The following GLI3 variants were observed in gnomAD, a reference collection of about 807,000 sequenced individuals.
The protein encoded by GLI3 is transcription activator GLI3.
In GLI3, 20 loss-of-function variants were observed where a neutral mutation model predicts 100.8. That is an observed-to-expected ratio of 0.20 (90% CI 0.14 to 0.29). GLI3 has a LOEUF of 0.29. GLI3 is among the 10% of genes least tolerant of loss of function. The probability of loss-of-function intolerance (pLI) is 1.00; values close to 1 mark genes in which losing one functional copy is unlikely to be tolerated. For missense variants in GLI3, 2,040 were observed against 2,128.5 expected (o/e 0.96, Z 0.82); for synonymous variants, 938 against 860.5 (o/e 1.09, Z -1.58).
intron 1 of GLI3, among the ~76,000 whole-genome samples, chr7:42,226,387 G>GT (rs778893647): frequency 1.1e-4 from 17 of 152,144 alleles, no homozygotes; most frequent in African/African-American, 2.2e-4. Flanking sequence ...GGAGTTGTTG[G>GT]TTTTTCCCCC....
In GLI3 at chr7:41,972,491, G is replaced by A. The variant is rs751886644; in HGVS notation, c.1949C>T (p.Pro650Leu). 19 of 1,612,600 alleles carry A rather than the reference G, an allele frequency of 1.2e-5. No homozygotes were observed. The highest frequency in any genetic ancestry group is 4.0e-5 in the African/African-American group (3 of 74,552). The change falls in exon 13 of 15, where the codon CCG becomes CTG. Residue 650 changes from proline (P) to leucine (L), a missense_variant. By Grantham distance (98) the Pro-to-Leu change is moderately conservative. Coordinates refer to ENST00000395925, the MANE Select transcript of GLI3 (RefSeq NM_000168.6). The surrounding 1 kb of genome is among the most constrained non-coding windows in gnomAD (Gnocchi z 4.4). ...KKQRGDIHPRPPPPRDSGSHS... is the reference protein window; with the variant it reads ...KKQRGDIHPRLPPPRDSGSHS... Reference sequence around the variant, plus strand: ...GCTGCCGGAATCTCTCGGGGGTGGCGGCCGAGGATGGATGTCCCCTCGCTG... The same window carrying A: ...GCTGCCGGAATCTCTCGGGGGTGGCAGCCGAGGATGGATGTCCCCTCGCTG...
chr7:42,200,510 G>C (rs945516220), intron 2 of GLI3, among the ~76,000 whole-genome samples: 9 of 152,104 alleles, frequency 5.9e-5, no homozygotes, highest in African/African-American at 2.2e-4. Context: ...CTATTTTAAA[G>C]TGCCTTTGAA....
intron 10 of GLI3, among the ~76,000 whole-genome samples, chr7:42,005,701 C>T (rs919625694): frequency 1.3e-5 from 2 of 152,078 alleles, no homozygotes; most frequent in Non-Finnish European, 2.9e-5. Context: ...CACTGCCCGA[C>T]GTGGGAAGGG....
At chr7:42,227,953 T>C (rs1788615312) in intron 1 of GLI3, among the ~76,000 whole-genome samples, 2 of 152,222 alleles carry the variant, frequency 1.3e-5, no homozygotes, top group Non-Finnish European at 2.9e-5. Context: ...AAGCTCGCTC[T>C]TTCTCTGCGC....
rs74583955 is a variant in GLI3 at position 42,204,095 on chromosome 7, G to A, written c.124+19035C>T. On this transcript the variant is annotated intron_variant, in intron 2 of 14. Coordinates refer to ENST00000395925, the MANE Select transcript of GLI3 (RefSeq NM_000168.6). Reference sequence around the variant, plus strand: ...GGGCCGAAGGGTAGTTTTTAAAGCAGATGGTATCCCACCACTCTGCTCTTC... The same window carrying A: ...GGGCCGAAGGGTAGTTTTTAAAGCAAATGGTATCCCACCACTCTGCTCTTC... Among the ~76,000 whole-genome samples, 246 of 151,970 alleles carry A rather than the reference G, an allele frequency of 1.6e-3. 5 individuals carry two copies. In the East Asian group the frequency reaches 0.031, roughly 19 times the overall value.
intron 2 of GLI3, among the ~76,000 whole-genome samples, chr7:42,192,381 C>T (rs1787844583): frequency 6.6e-6 from 1 of 152,142 alleles, no homozygotes; most frequent in Admixed American, 6.5e-5. Context: ...AGAGTTCTGC[C>T]TACACCTTTG....
chr7:42,099,267 A>G (rs1785407102), intron 3 of GLI3, among the ~76,000 whole-genome samples: 1 of 152,216 alleles, frequency 6.6e-6, no homozygotes, highest in Non-Finnish European at 1.5e-5. Context: ...CCAAGGTTTC[A>G]CATTCTCCCA....
At chr7:42,129,834 G>C (rs1786229166) in intron 3 of GLI3, among the ~76,000 whole-genome samples, 2 of 151,964 alleles carry the variant, frequency 1.3e-5, no homozygotes, top group Non-Finnish European at 2.9e-5. Context: ...AAAAAGCCCT[G>C]GGCTGGGCAG....
chr7:42,005,475 A>ACG (rs1457353060), intron 10 of GLI3, among the ~76,000 whole-genome samples: 4 of 151,858 alleles, frequency 2.6e-5, no homozygotes, highest in African/African-American at 9.7e-5. Context: ...ACACACACAC[A>ACG]CACACACACA....
chr7:42,253,534 T>A (rs926296844), intron 1 of GLI3, among the ~76,000 whole-genome samples: 53 of 152,348 alleles, frequency 3.5e-4, no homozygotes, highest in African/African-American at 1.3e-3. Context: ...TATCTGTGAC[T>A]CATTCATGGC....
chr7:42,011,526 A>T (rs1583787455), intron 10 of GLI3, among the ~76,000 whole-genome samples: 1 of 152,356 alleles, frequency 6.6e-6, no homozygotes, highest in Non-Finnish European at 1.5e-5. Context: ...GGATGCACGG[A>T]TAAACAAAGT....
chr7:42,123,551 G>C (rs1283619191), intron 3 of GLI3, among the ~76,000 whole-genome samples: 2 of 152,102 alleles, frequency 1.3e-5, no homozygotes, highest in Non-Finnish European at 2.9e-5. Context: ...TTCAGTTTAG[G>C]CACAACACTT....
At chr7:42,100,310 A>T (rs534500044) in intron 3 of GLI3, among the ~76,000 whole-genome samples, 126 of 152,348 alleles carry the variant, frequency 8.3e-4, no homozygotes, top group African/African-American at 2.9e-3. Flanking sequence ...TCCCTTTAAA[A>T]GATATGTTGA....
intron 2 of GLI3, among the ~76,000 whole-genome samples, chr7:42,196,314 T>C (rs1787927289): frequency 6.6e-6 from 1 of 152,200 alleles, no homozygotes; most frequent in African/African-American, 2.4e-5. Context: ...AGTCAGCTCT[T>C]TGAATTTCAA....
intron 13 of GLI3, among the ~76,000 whole-genome samples, chr7:41,968,521 C>T (rs1213125881): frequency 1.3e-5 from 2 of 152,040 alleles, no homozygotes; most frequent in Admixed American, 6.6e-5. Context: ...AAGAGCCCCT[C>T]TAGGCTGTTC....
intron 3 of GLI3, among the ~76,000 whole-genome samples, chr7:42,121,549 A>C (rs891213028): frequency 7.9e-5 from 12 of 152,190 alleles, no homozygotes; most frequent in African/African-American, 2.7e-4. Flanking sequence ...GGCTGACAAC[A>C]TTATCTCCAT....
intron 3 of GLI3, among the ~76,000 whole-genome samples, chr7:42,117,941 T>C (rs1785901619): frequency 1.3e-5 from 2 of 152,214 alleles, no homozygotes; most frequent in Non-Finnish European, 2.9e-5. Context: ...CCATAGTTAA[T>C]TAAATGTCCA....
chr7:42,223,194 T>C lies in GLI3; in HGVS notation c.60A>G (p.Ile20Met). 1.2e-6 allele frequency: 2 copies of C among 1,613,906 alleles called. No individual in the cohort carries two copies. Among genetic ancestry groups the C allele is most frequent in the Middle Eastern group, 1.7e-4 (1 of 6,060 alleles). The change falls in exon 2 of 15, where the codon ATA becomes ATG. Residue 20 changes from isoleucine to methionine, a missense_variant. This residue lies in a region of GLI3 where 603 missense variants were observed against 690.9 expected (regional missense o/e 0.87). Coordinates refer to ENST00000395925, the MANE Select transcript of GLI3 (RefSeq NM_000168.6). ...CATCTGTTCGAGTGGAGCACTTCAC[T>C]ATGGAATTCTCAACTTTTTTCTTTT... ...TTEKKKVENS[I>M]VKCSTRTDVS...
At chr7:42,134,089 A>G (rs1302615592) in intron 3 of GLI3, among the ~76,000 whole-genome samples, 2 of 151,666 alleles carry the variant, frequency 1.3e-5, no homozygotes, top group African/African-American at 4.8e-5. Context: ...TCAAAAAAAA[A>G]AAAAAAGAAA....
Sources: gnomAD v4.1 joint callset for allele counts (sites outside exome capture counted in the v4.1 genomes callset) on GRCh38, gnomAD v4.1.1 for gene constraint, gnomAD v4.1.1 regional missense constraint, Gnocchi (gnomAD v3.1) non-coding constraint, MANE v1.5 for transcripts, NCBI Gene and HGNC (gene_info 2026-07-23, HGNC 2026-07-21) for gene names.